The following LRRD1 variants were observed in gnomAD, a reference collection of about 807,000 sequenced individuals.
The protein encoded by LRRD1 is leucine-rich repeat and death domain-containing protein 1.
Under a neutral mutation model 69.5 loss-of-function variants are expected in LRRD1, and 49 were observed. The ratio of observed to expected loss-of-function variants is 0.70; its 90% confidence interval spans 0.56 to 0.89. The LOEUF (loss-of-function observed/expected upper bound fraction) is 0.89. LRRD1 is among the 40% of genes least tolerant of loss of function. LRRD1 has a pLI of 0.00. For synonymous variants in LRRD1, 303 were observed against 338.9 expected (o/e 0.89, Z 1.16); for missense variants, 853 against 956.0 (o/e 0.89, Z 1.42).
chr7:92,178,392 T>G (rs1263704218), intron 1 of LRRD1, among the ~76,000 whole-genome samples: 2 of 151,902 alleles, frequency 1.3e-5, no homozygotes, highest in African/African-American at 4.8e-5. Context: ...AAAACATGGC[T>G]GGGCGCGGTG....
At chr7:92,157,067 G>C (rs934674345) in intron 3 of LRRD1, among the ~76,000 whole-genome samples, 5 of 47,448 alleles carry the variant, frequency 1.1e-4, no homozygotes, top group African/African-American at 1.7e-4. Context: ...GTCTTGTTTT[G>C]TTGCCCAGGC....
rs201451807 is a variant in LRRD1, at chr7:92,146,299, A to AAT, written c.2279-101_2279-100dup. ...TTTTCTTATTTCTGTGCTTCTATGA[A>AAT]ATATATATGTTAAGTAAAACTGAAA... On this transcript the variant is annotated intron_variant, in intron 4 of 5. Transcript: ENST00000458448. 3.1e-3 allele frequency: 1,983 copies of AAT among 632,416 alleles called. 39 individuals are homozygous for AAT. The African/African-American group carries it at 0.033, about 11-fold the overall frequency. The allele number at this position is 632,416 out of a possible 1,614,324, so 39.2% of individuals were successfully genotyped here. A position where few individuals can be genotyped will look rare whatever the true frequency, so the allele number is the denominator to read the frequency against.
intron 4 of LRRD1, chr7:92,149,973 T>C (rs1318655299): frequency 2.2e-6 from 1 of 450,612 alleles, no homozygotes; most frequent in Non-Finnish European, 4.5e-6. Context: ...TTAAGGTCAA[T>C]AGGGTAGGAA....
Position 92,164,763 on chromosome 7 carries a change from T to G in LRRD1, c.440A>C (p.Asn147Thr). Residue 147 changes from asparagine (N) to threonine (T), a missense_variant, in exon 2 of 6, where the codon AAC becomes ACC. Asn to Thr is a moderately conservative substitution (Grantham distance 65, BLOSUM62 0). Around this residue, in one of 3 missense-constraint regions of LRRD1, gnomAD observed 739 missense variants for 808.0 expected, o/e 0.91. Transcript: ENST00000458448. ...LGLGADNFTV[N>T]LEAKGLQEFP... ...TTCCTGTAAACCCTTGGCCTCAAGG[T>G]TAACTGTAAAGTTATCTGCCCCTAG... 6.4e-7 allele frequency: 1 copy of G among 1,551,418 alleles called. No individual in the cohort carries two copies. Among genetic ancestry groups the G allele is most frequent in the Non-Finnish European group, 8.7e-7 (1 of 1,146,868 alleles).
intron 2 of LRRD1, among the ~76,000 whole-genome samples, chr7:92,159,534 G>C (rs1409184432): frequency 6.7e-6 from 1 of 149,614 alleles, no homozygotes; most frequent in African/African-American, 2.5e-5. Context: ...CCCTGTTTTG[G>C]CTTCTTTCCC....
At chr7:92,172,455 CT>C (rs1301305883) in intron 1 of LRRD1, among the ~76,000 whole-genome samples, 2 of 151,930 alleles carry the variant, frequency 1.3e-5, no homozygotes, top group African/African-American at 2.4e-5. Context: ...AAAGACTCCA[CT>C]AAAAAATTTG....
intron 3 of LRRD1, among the ~76,000 whole-genome samples, chr7:92,152,615 G>A (rs1033103110): frequency 2.7e-5 from 4 of 150,330 alleles, no homozygotes; most frequent in African/African-American, 9.8e-5. Flanking sequence ...GTGTATCAGA[G>A]TTTCAGTTAC....
chr7:92,176,563 T>G (rs572100606), intron 1 of LRRD1, among the ~76,000 whole-genome samples: 1,583 of 118,338 alleles, frequency 0.013, 25 homozygotes, highest in African/African-American at 0.059. Context: ...AGAGATTCTC[T>G]CATTTTTTTT....
chr7:92,144,216 A>T (rs551702678), downstream of LRRD1, among the ~76,000 whole-genome samples: 1 of 152,366 alleles, frequency 6.6e-6, no homozygotes, highest in Admixed American at 6.5e-5. Context: ...TTCTGTTTTT[A>T]AACTAGCATC....
rs1453904906 is a variant in LRRD1 at position 92,165,174 on chromosome 7, A to G, written c.29T>C (p.Val10Ala). The G allele has an allele frequency of 6.6e-7, 1 of 1,517,244 alleles. No homozygotes were observed. The highest frequency in any genetic ancestry group is 2.2e-5 in the Admixed American group (1 of 46,476). The allele number at this position is 1,517,244 out of a possible 1,614,324, so 94.0% of individuals were successfully genotyped here. A position where few individuals can be genotyped will look rare whatever the true frequency, so the allele number is the denominator to read the frequency against. ...AAATTGACTAATAGTATCCTCTAGCACTTCTGACATACCCTCCTTTTCAGA... is the reference window on the plus strand; with the variant it reads ...AAATTGACTAATAGTATCCTCTAGCGCTTCTGACATACCCTCCTTTTCAGA... MSEKEGMSE[V>A]LEDTISQFRK... is the part of the protein sequence containing the mutation. The change falls in exon 2 of 6, where the codon GTG (valine) becomes GCG (alanine). Residue 10 changes from valine to alanine, a missense_variant. By Grantham distance (64) the Val-to-Ala change is moderately conservative. Transcript: ENST00000458448.
chr7:92,158,798 G>C (rs1027107340), intron 3 of LRRD1, among the ~76,000 whole-genome samples: 2 of 152,122 alleles, frequency 1.3e-5, no homozygotes, highest in African/African-American at 4.8e-5. Flanking sequence ...ATGAAAATAT[G>C]TTCAGGCTCT....
chr7:92,146,207 T>G lies in LRRD1; in HGVS notation c.2279-7A>C, dbSNP rs77203235. 2.3e-6 allele frequency: 3 copies of G among 1,312,310 alleles called. No homozygotes were observed. Among genetic ancestry groups the G allele is most frequent in the South Asian group, 2.8e-5 (2 of 72,148 alleles). The allele number at this position is 1,312,310 out of a possible 1,614,324, so 81.3% of individuals were successfully genotyped here. On this transcript the variant is annotated splice_polypyrimidine_tract_variant and splice_region_variant and intron_variant, in intron 4 of 5. Transcript: ENST00000458448. ...ATCTTCTCTAAAATTTTCTCTACGT[T>G]TGAACATAAAATAAAATGTATATCT...
At chr7:92,168,893 C>A (rs922746024) in intron 1 of LRRD1, among the ~76,000 whole-genome samples, 1 of 152,142 alleles carries the variant, frequency 6.6e-6, no homozygotes, top group Non-Finnish European at 1.5e-5. Flanking sequence ...TGTGAACTCT[C>A]TGACCAAGAA....
chr7:92,172,934 A>G (rs1789088093), intron 1 of LRRD1, among the ~76,000 whole-genome samples: 1 of 152,274 alleles, frequency 6.6e-6, no homozygotes, highest in African/African-American at 2.4e-5. Flanking sequence ...ATCCTTCCTG[A>G]CTCCAAATTA....
Position 92,164,100 on chromosome 7 carries a change from A to T in LRRD1, c.1103T>A (p.Ile368Asn), listed in dbSNP as rs1788849785. The change falls in exon 2 of 6, where the codon ATT (isoleucine) becomes AAT (asparagine). Residue 368 changes from isoleucine to asparagine, a missense_variant. Coordinates refer to ENST00000458448, the MANE Select transcript of LRRD1 (RefSeq NM_001161528.2). ...AATCCTAAGTTCCCTGAAATTCTCA[A>T]TTTTGTGTGAAATAACTTCCAATTT... is the stretch of plus-strand genomic sequence containing the variant. ...DNKLEVISHK[I>N]ENFRELRILI... is the part of the protein sequence containing the mutation. 6.5e-7 allele frequency: 1 copy of T among 1,548,694 alleles called. No individual in the cohort carries two copies. The highest frequency in any genetic ancestry group is 8.7e-7 in the Non-Finnish European group (1 of 1,145,906).
chr7:92,142,944 G>C, downstream of LRRD1: 1 of 275,320 alleles, frequency 3.6e-6, no homozygotes, highest in South Asian at 3.4e-5. Flanking sequence ...AAGGGGACCG[G>C]AACAGGTTGC....
At chr7:92,176,727 C>A (rs990047752) in intron 1 of LRRD1, among the ~76,000 whole-genome samples, 13 of 151,822 alleles carry the variant, frequency 8.6e-5, no homozygotes, top group African/African-American at 3.1e-4. Context: ...CTATGCTGGG[C>A]TAATTTTGTA....
At position 92,164,610 on chromosome 7, in the gene LRRD1, T is replaced by G; in HGVS notation, c.593A>C (p.Asn198Thr). 1 of 1,551,752 alleles carries G rather than the reference T, an allele frequency of 6.4e-7. No homozygotes were observed. Among genetic ancestry groups the G allele is most frequent in the Middle Eastern group, 1.7e-4 (1 of 5,990 alleles). ...TTCAGATGGAAGTGATGATAATCCA[T>G]TTTCTTGCAGGGATAGAATTTCAAG... ...LGLEILSLQENGLSSLPSEIQ... is the reference protein window; with the variant it reads ...LGLEILSLQETGLSSLPSEIQ... Residue 198 changes from asparagine to threonine, a missense_variant, in exon 2 of 6, where the codon AAT (asparagine) becomes ACT (threonine). Transcript: ENST00000458448.
chr7:92,142,850 C>T (rs955766216), downstream of LRRD1: 9 of 397,294 alleles, frequency 2.3e-5, no homozygotes, highest in African/African-American at 1.3e-4. Flanking sequence ...AGTGTTACAG[C>T]TCATAAAGGC....
Sources: allele counts gnomAD v4.1 joint callset (sites outside exome capture counted in the v4.1 genomes callset), GRCh38; gene constraint gnomAD v4.1.1; regional missense constraint gnomAD v4.1.1; transcripts MANE v1.5; gene names NCBI Gene and HGNC (gene_info 2026-07-23, HGNC 2026-07-21).